Variants in CSMD1 observed in about 807,000 individuals in gnomAD.
CSMD1 encodes the protein CUB and sushi domain-containing protein 1.
CSMD1 carries 213 observed loss-of-function variants against 417.5 expected under a neutral mutation model. The ratio of observed to expected loss-of-function variants is 0.51; its 90% confidence interval spans 0.46 to 0.57. CSMD1 has a LOEUF of 0.57. Ranked by LOEUF, CSMD1 falls within the 20% of genes least tolerant of loss-of-function variation. The probability of loss-of-function intolerance (pLI) is 0.00; values close to 1 mark genes in which losing one functional copy is unlikely to be tolerated. For synonymous variants in CSMD1, 2,862 were observed against 1,736.8 expected (o/e 1.65, Z -16.11); for missense variants, 6,923 against 4,529.7 (o/e 1.53, Z -15.17).
At chr8:4,716,574 A>C (rs374962599) in intron 1 of CSMD1, among the ~76,000 whole-genome samples, 4 of 152,226 alleles carry the variant, frequency 2.6e-5, no homozygotes, top group African/African-American at 9.6e-5. Context: ...ATGTTAAAGG[A>C]ATTTACTATA....
chr8:3,210,894 C>A (rs904429787), intron 30 of CSMD1, among the ~76,000 whole-genome samples: 5 of 151,934 alleles, frequency 3.3e-5, no homozygotes, highest in Non-Finnish European at 5.9e-5. Context: ...AATTCATGAC[C>A]TTTCCTCAAT....
chr8:3,952,889 G>A (rs1765514415), intron 5 of CSMD1, among the ~76,000 whole-genome samples: 1 of 152,088 alleles, frequency 6.6e-6, no homozygotes, highest in Admixed American at 6.5e-5. Context: ...TCTAACCCAA[G>A]GCAACTCAGC....
chr8:3,455,837 A>T (rs1282267900), intron 12 of CSMD1, among the ~76,000 whole-genome samples: 1 of 152,204 alleles, frequency 6.6e-6, no homozygotes, highest in African/African-American at 2.4e-5. Flanking sequence ...CTCTTCAAAG[A>T]TGTCAGACAG....
intron 5 of CSMD1, among the ~76,000 whole-genome samples, chr8:3,776,185 T>G (rs148676444): frequency 1.1e-3 from 175 of 152,326 alleles, no homozygotes; most frequent in African/African-American, 3.9e-3. Flanking sequence ...AACAGATCCA[T>G]GTCTGACCAT....
At chr8:4,725,887 T>A (rs189600681) in intron 1 of CSMD1, among the ~76,000 whole-genome samples, 2 of 152,260 alleles carry the variant, frequency 1.3e-5, no homozygotes, top group South Asian at 2.1e-4. Flanking sequence ...ACCCTGGTTG[T>A]GGGACTGGGT....
chr8:4,139,080 C>G (rs1410159812), intron 3 of CSMD1, among the ~76,000 whole-genome samples: 1 of 152,164 alleles, frequency 6.6e-6, no homozygotes, highest in Admixed American at 6.5e-5. Flanking sequence ...GCAACAATGT[C>G]TTTTACCGAC....
At chr8:4,071,248 A>C (rs1799540366) in intron 3 of CSMD1, among the ~76,000 whole-genome samples, 1 of 152,112 alleles carries the variant, frequency 6.6e-6, no homozygotes. Context: ...ATATTGTCCC[A>C]AAGAAGCCTG....
In CSMD1 at chr8:4,180,594, AAAAAT is replaced by A. The variant is rs199667817; in HGVS notation, c.416-148500_416-148496del. ...AAGTATAATAATAATTAAAAAAAGA[AAAAAT>A]AAAATAAAATACAAAACAAAACAGA... On this transcript the variant is annotated intron_variant, in intron 3 of 69. Coordinates refer to ENST00000635120, the MANE Select transcript of CSMD1 (RefSeq NM_033225.6). 9.6e-3 allele frequency among the ~76,000 whole-genome samples: 1,456 copies of A among 152,212 alleles called. 10 individuals carry two copies. Among genetic ancestry groups the A allele is most frequent in the Non-Finnish European group, 0.013 (887 of 68,010 alleles).
chr8:3,166,704 T>C (rs144463237), intron 37 of CSMD1, among the ~76,000 whole-genome samples: 5 of 152,104 alleles, frequency 3.3e-5, no homozygotes, highest in Admixed American at 2.0e-4. Flanking sequence ...TAGACATTTA[T>C]AAGTATTTAT....
At chr8:3,816,482 G>C (rs1208599828) in intron 5 of CSMD1, among the ~76,000 whole-genome samples, 1 of 152,082 alleles carries the variant, frequency 6.6e-6, no homozygotes, top group Non-Finnish European at 1.5e-5. Flanking sequence ...CTCTCGCTGT[G>C]CCTAATTTAT....
chr8:3,052,696 T>G (rs1172973102), intron 49 of CSMD1, 49 bp from the exon 50 acceptor site: 2 of 1,365,074 alleles, frequency 1.5e-6, no homozygotes, highest in Non-Finnish European at 2.0e-6. Context: ...GAAATTATTT[T>G]CCAGCTATTA....
chr8:3,761,549 A>G (rs1306068774), intron 5 of CSMD1, among the ~76,000 whole-genome samples: 1 of 115,740 alleles, frequency 8.6e-6, no homozygotes, highest in Admixed American at 1.1e-4. Context: ...CCTTTCACCC[A>G]GGCTGGAGTG....
rs868106332 is a variant in CSMD1 at position 4,384,378 on chromosome 8, C to G, written c.415+35575G>C. On this transcript the variant is annotated intron_variant, in intron 3 of 69. Transcript: ENST00000635120. ...GCATCTGAGGCCCATCACTATGAAG[C>G]TACAAAATATTAAATACTTTTGGAA... Among the ~76,000 whole-genome samples, 5 of 152,232 alleles carry G rather than the reference C, an allele frequency of 3.3e-5. No individual in the cohort carries two copies. The Middle Eastern group carries it at 0.017, about 518-fold the overall frequency.
chr8:3,271,858 A>T (rs1356687574), intron 26 of CSMD1, among the ~76,000 whole-genome samples: 1 of 151,850 alleles, frequency 6.6e-6, no homozygotes, highest in Non-Finnish European at 1.5e-5. Context: ...AGGTTGTGAA[A>T]ATTTTCTCCC....
intron 3 of CSMD1, among the ~76,000 whole-genome samples, chr8:4,094,899 G>C (rs1297080308): frequency 6.6e-6 from 1 of 152,192 alleles, no homozygotes; most frequent in Non-Finnish European, 1.5e-5. Context: ...AGATTGAAGA[G>C]GATACTGGAG....
At chr8:4,209,697 A>T (rs968887187) in intron 3 of CSMD1, among the ~76,000 whole-genome samples, 1 of 152,180 alleles carries the variant, frequency 6.6e-6, no homozygotes, top group Non-Finnish European at 1.5e-5. Context: ...CAGTGGTGTC[A>T]CACAGCAACT....
At position 3,205,499 on chromosome 8, in the gene CSMD1, CT is replaced by C; in HGVS notation, c.4984+4del. On this transcript the variant is annotated splice_donor_region_variant and intron_variant, in intron 31 of 69. Transcript: ENST00000635120. ...AATGAATTAAAAATACAAGGACATC[CT>C]TACCGAATTCCTTTGGTACCGTGAT... 7.3e-7 allele frequency: 1 copy of C among 1,372,846 alleles called. No homozygotes were observed. Among genetic ancestry groups the C allele is most frequent in the Admixed American group, 2.0e-5 (1 of 50,610 alleles). The allele number at this position is 1,372,846 out of a possible 1,614,324, so 85.0% of individuals were successfully genotyped here. A position where few individuals can be genotyped will look rare whatever the true frequency, so the allele number is the denominator to read the frequency against.
intron 1 of CSMD1, among the ~76,000 whole-genome samples, chr8:4,722,881 C>G (rs1223009933): frequency 6.6e-6 from 1 of 151,952 alleles, no homozygotes; most frequent in Non-Finnish European, 1.5e-5. Flanking sequence ...AAGATTTCTC[C>G]TCTGTGAAAT....
chr8:4,309,842 G>C (rs1798459971), intron 3 of CSMD1, among the ~76,000 whole-genome samples: 1 of 151,968 alleles, frequency 6.6e-6, no homozygotes, highest in African/African-American at 2.4e-5. Flanking sequence ...ATAGCTGTCT[G>C]AGTATTTTCT....
Sources: gnomAD v4.1 joint callset for allele counts (sites outside exome capture counted in the v4.1 genomes callset) on GRCh38, gnomAD v4.1.1 for gene constraint, MANE v1.5 for transcripts, NCBI Gene and HGNC (gene_info 2026-07-23, HGNC 2026-07-21) for gene names.